PPP1R26: variants seen among roughly 807,000 people sequenced by gnomAD.
PPP1R26 encodes the protein 1A6/DRIM (down-regulated in metastasis) interacting protein.
PPP1R26 carries 22 observed loss-of-function variants against 67.6 expected under a neutral mutation model. That is an observed-to-expected ratio of 0.33 (90% CI 0.23 to 0.46). PPP1R26 has a LOEUF of 0.46. Among genes scored for constraint, PPP1R26 ranks in the 20% least tolerant of loss-of-function variants. The pLI, the probability that PPP1R26 is intolerant of heterozygous loss-of-function variation, is 1.00. For synonymous variants in PPP1R26, 729 were observed against 717.2 expected, an observed-to-expected ratio of 1.02 and a Z score of -0.26; for missense variants, 1,602 against 1,651.4, an observed-to-expected ratio of 0.97 and a Z score of 0.52.
Position 135,486,507 on chromosome 9 carries a change from G to A in PPP1R26, c.1997G>A (p.Gly666Asp), listed in dbSNP as rs1309656564. Residue 666 changes from glycine to aspartate, a missense_variant, in exon 4 of 4, where the codon GGT (glycine) becomes GAT (aspartate). Around this residue, in one of 5 missense-constraint regions of PPP1R26, gnomAD observed 680 missense variants for 726.1 expected, o/e 0.94. Coordinates refer to ENST00000356818, the MANE Select transcript of PPP1R26 (RefSeq NM_014811.5). The surrounding 1 kb of genome is among the most constrained non-coding windows in gnomAD (Gnocchi z 6.2). ...GACACTCGCATGTCACAGGGCCAGG[G>A]TAAGACAGACGAGGCAAGGCGCCTA... ...PGDTRMSQGQ[G>D]KTDEARRLDE... 6.2e-7 allele frequency: 1 copy of A among 1,612,938 alleles called. No homozygotes were observed. Among genetic ancestry groups the A allele is most frequent in the Non-Finnish European group, 8.5e-7 (1 of 1,179,992 alleles).
In PPP1R26 at chr9:135,485,518, G is replaced by T; in HGVS notation, c.1008G>T (p.Gly336=). The T allele has an allele frequency of 6.2e-7, 1 of 1,613,188 alleles. No homozygotes were observed. Among genetic ancestry groups the T allele is most frequent in the Non-Finnish European group, 8.5e-7 (1 of 1,180,012 alleles). ...RPSEAAQNKG[G]IKRSASAARR... is the part of the protein sequence containing the mutation. ...CAGAAGCAGCACAGAATAAAGGTGG[G>T]ATCAAAAGGAGCGCCAGCGCTGCAA... Residue 336 remains glycine (G), a synonymous_variant, in exon 4 of 4, where the codon GGG becomes GGT. Coordinates refer to ENST00000356818, the MANE Select transcript of PPP1R26 (RefSeq NM_014811.5). This position sits in a 1 kb window ranked among gnomAD's most constrained non-coding sequence, Gnocchi z 7.2.
rs1359624549 is a variant in PPP1R26, at chr9:135,484,664, A to G, written c.154A>G (p.Ser52Gly). The G allele has an allele frequency of 3.1e-6, 5 of 1,610,986 alleles. No homozygotes were observed. In the South Asian group the frequency reaches 4.4e-5, roughly 14 times the overall value. Residue 52 changes from serine to glycine, a missense_variant, in exon 4 of 4, where the codon AGC becomes GGC. By Grantham distance (56) the Ser-to-Gly change is moderately conservative. Transcript: ENST00000356818. ...GAGCGCCCGGGTGCAGATGCTTATC[A>G]GCACTCTGCAGCGCGACGGGGCTGC... is the stretch of plus-strand genomic sequence containing the variant. ...SVSARVQMLI[S>G]TLQRDGAARG...
chr9:135,484,867 G>T lies in PPP1R26; in HGVS notation c.357G>T (p.Leu119Phe). The T allele has an allele frequency of 6.2e-7, 1 of 1,607,464 alleles. No individual in the cohort carries two copies. The highest frequency in any genetic ancestry group is 8.5e-7 in the Non-Finnish European group (1 of 1,177,846). Residue 119 changes from leucine to phenylalanine, a missense_variant, in exon 4 of 4, where the codon TTG (leucine) becomes TTT (phenylalanine). Physicochemically the swap from Leu to Phe is conservative, Grantham distance 22. Around this residue, in one of 5 missense-constraint regions of PPP1R26, gnomAD observed 168 missense variants for 176.1 expected, o/e 0.95. Transcript: ENST00000356818. The part of the protein sequence containing the change: ...GEEETTDFGP[L>F]VLDSDSDDSV... ...AGGAAACTACAGACTTTGGCCCGTTGGTGCTAGATTCAGACAGTGATGATT... is the reference window on the plus strand; with the variant it reads ...AGGAAACTACAGACTTTGGCCCGTTTGTGCTAGATTCAGACAGTGATGATT...
In PPP1R26 at chr9:135,487,263, G is replaced by C. The variant is rs1368787589; in HGVS notation, c.2753G>C (p.Gly918Ala). 6.4e-7 allele frequency: 1 copy of C among 1,566,930 alleles called. No homozygotes were observed. The highest frequency in any genetic ancestry group is 1.2e-5 in the South Asian group (1 of 83,040). ...AGCGCAGGAGCACAGGGCACAGCTG[G>C]TCTGTTCAGCCAGGGCGGGAAGGGG... Reference protein sequence around the residue: ...TESAGAQGTAGLFSQGGKGLP... With the variant: ...TESAGAQGTAALFSQGGKGLP... Residue 918 changes from glycine to alanine, a missense_variant, in exon 4 of 4, where the codon GGT (glycine) becomes GCT (alanine). Transcript: ENST00000356818.
chr9:135,484,328 G>A, intron 3 of PPP1R26, 121 bp from the exon 4 acceptor site: 1 of 615,896 alleles, frequency 1.6e-6, no homozygotes, highest in Non-Finnish European at 2.8e-6. Flanking sequence ...TGGACGTTGG[G>A]CTCCACCCAA....
rs779037774 is a variant in PPP1R26 at position 135,487,738 on chromosome 9, G to T, written c.3228G>T (p.Ala1076=). 6.4e-5 allele frequency: 93 copies of T among 1,459,612 alleles called. No individual in the cohort carries two copies. The highest frequency in any genetic ancestry group is 8.2e-5 in the Non-Finnish European group (91 of 1,106,274). 90.4% of individuals were successfully genotyped at this position (1,459,612 alleles called of 1,614,324 possible). The part of the protein sequence containing the change: ...PARGLPSLPL[A]GFSPLLSTQL... ...GGGGCCTGCCCAGCCTGCCCCTTGC[G>T]GGCTTCTCGCCGCTGCTGTCCACCC... Residue 1076 remains alanine, a synonymous_variant, in exon 4 of 4, where the codon GCG becomes GCT. Transcript: ENST00000356818.
rs755030405 is a variant in PPP1R26, at chr9:135,487,995, G to T, written c.3485G>T (p.Gly1162Val). 1.2e-6 allele frequency: 2 copies of T among 1,611,010 alleles called. No individual in the cohort carries two copies. The highest frequency in any genetic ancestry group is 2.2e-5 in the South Asian group (2 of 90,746). The change falls in exon 4 of 4, where the codon GGC (glycine) becomes GTC (valine). Residue 1162 changes from glycine to valine, a missense_variant. Physicochemically the swap from Gly to Val is moderately radical, Grantham distance 109 (BLOSUM62 -3). This residue lies in a region of PPP1R26 where 740 missense variants were observed against 696.3 expected (regional missense o/e 1.06). Coordinates refer to ENST00000356818, the MANE Select transcript of PPP1R26 (RefSeq NM_014811.5). ...GLSLHDRRSS[G>V]SEESILDLRY... Reference sequence around the variant, plus strand: ...AGTTTGCATGACAGGAGGAGCTCGGGCTCGGAGGAAAGCATTTTAGACCTG... The same window carrying T: ...AGTTTGCATGACAGGAGGAGCTCGGTCTCGGAGGAAAGCATTTTAGACCTG...
rs761806251 is a variant in PPP1R26 at position 135,487,921 on chromosome 9, AAAG to A, written c.3415_3417del (p.Lys1139del). 61 of 1,578,166 alleles carry A rather than the reference AAAG, an allele frequency of 3.9e-5. No individual in the cohort carries two copies. In the African/African-American group the frequency reaches 7.5e-4, roughly 19 times the overall value. On this transcript the variant is annotated inframe_deletion, in exon 4 of 4. Coordinates refer to ENST00000356818, the MANE Select transcript of PPP1R26 (RefSeq NM_014811.5). Reference sequence around the variant, plus strand: ...TCTTTGGAAGCCCACACTTGCTGGCAAAGAAGGACGGCGGCCCCTGGCCAACCA... The same window carrying A: ...TCTTTGGAAGCCCACACTTGCTGGCAAAGGACGGCGGCCCCTGGCCAACCA...
In PPP1R26 at chr9:135,484,998, C is replaced by T. The variant is rs1830657537; in HGVS notation, c.488C>T (p.Ser163Phe). 1 of 1,585,318 alleles carries T rather than the reference C, an allele frequency of 6.3e-7. No homozygotes were observed. Reference sequence around the variant, plus strand: ...GCCCAGCCAGGTGCAGCCCAGCCTTCCAGGGCCGCAGGCGGAGGCAGTAGA... The same window carrying T: ...GCCCAGCCAGGTGCAGCCCAGCCTTTCAGGGCCGCAGGCGGAGGCAGTAGA... ...GGAQPGAAQP[S>F]RAAGGGSRCK... Residue 163 changes from serine to phenylalanine, a missense_variant, in exon 4 of 4, where the codon TCC becomes TTC. Around this residue, in one of 5 missense-constraint regions of PPP1R26, gnomAD observed 680 missense variants for 726.1 expected, o/e 0.94. Coordinates refer to ENST00000356818, the MANE Select transcript of PPP1R26 (RefSeq NM_014811.5).
At position 135,484,836 on chromosome 9, in the gene PPP1R26, G is replaced by C; in HGVS notation, c.326G>C (p.Gly109Ala). The change falls in exon 4 of 4, where the codon GGG becomes GCG. Residue 109 changes from glycine to alanine, a missense_variant. Physicochemically the swap from Gly to Ala is moderately conservative, Grantham distance 60 (BLOSUM62 0). This residue lies in a region of PPP1R26 where 168 missense variants were observed against 176.1 expected (regional missense o/e 0.95). Transcript: ENST00000356818. ...CTCGTTGCTGACTTTGACCCCATGG[G>C]GGAGGAGGAAACTACAGACTTTGGC... The part of the protein sequence containing the change: ...CGLVADFDPM[G>A]EEETTDFGPL... The C allele has an allele frequency of 1.2e-6, 2 of 1,610,398 alleles. No homozygotes were observed. Among genetic ancestry groups the C allele is most frequent in the Non-Finnish European group, 1.7e-6 (2 of 1,179,526 alleles).
At position 135,479,879 on chromosome 9, in the gene PPP1R26, T is replaced by G; in HGVS notation, c.-472T>G. 1 of 139,596 alleles carries G rather than the reference T, an allele frequency of 7.2e-6. No individual in the cohort carries two copies. 8.6% of individuals were successfully genotyped at this position (139,596 alleles called of 1,614,324 possible). A position where few individuals can be genotyped will look rare whatever the true frequency, so the allele number is the denominator to read the frequency against. ...GGCGGGGGGCCCGGCCGGACGCCCC[T>G]GCGCCCCCTCCCCGCGCCCCGGCCG... is the stretch of plus-strand genomic sequence containing the variant. On this transcript the variant is annotated 5_prime_UTR_variant, in exon 1 of 4. Coordinates refer to ENST00000356818, the MANE Select transcript of PPP1R26 (RefSeq NM_014811.5). The surrounding 1 kb of genome is among the most constrained non-coding windows in gnomAD (Gnocchi z 5.9).
In PPP1R26 at chr9:135,486,188, C is replaced by T. The variant is rs1290723899; in HGVS notation, c.1678C>T (p.Gln560Ter). The stretch of plus-strand genomic sequence containing the variant: ...GCTGGCCAGAGGTGAGAGCTGCCCG[C>T]AGGCTGCCCAGGGTCCACTTTTGCC... ...SLLARGESCPQAAQGPLLPPG... is the reference protein window; with the variant it reads ...SLLARGESCP The change falls in exon 4 of 4, where the codon CAG (glutamine) becomes TAG (stop). Residue 560 changes from glutamine (Q) to a stop codon, truncating the protein, a stop_gained. Coordinates refer to ENST00000356818, the MANE Select transcript of PPP1R26 (RefSeq NM_014811.5). LOFTEE classifies it high-confidence loss of function. This position sits in a 1 kb window ranked among gnomAD's most constrained non-coding sequence, Gnocchi z 6.2. The T allele has an allele frequency of 6.2e-7, 1 of 1,612,888 alleles. No homozygotes were observed. Among genetic ancestry groups the T allele is most frequent in the Admixed American group, 1.7e-5 (1 of 60,010 alleles).
In PPP1R26 at chr9:135,485,949, A is replaced by C; in HGVS notation, c.1439A>C (p.Glu480Ala). ...RSSCRADTSA[E>A]LMCAEAILDI... ...TCGTGCCGGGCGGACACATCTGCTG[A>C]GCTGATGTGTGCAGAAGCAATCCTG... Residue 480 changes from glutamate (E) to alanine (A), a missense_variant, in exon 4 of 4, where the codon GAG (glutamate) becomes GCG (alanine). Physicochemically the swap from Glu to Ala is moderately radical, Grantham distance 107 (BLOSUM62 -1). Coordinates refer to ENST00000356818, the MANE Select transcript of PPP1R26 (RefSeq NM_014811.5). This position sits in a 1 kb window ranked among gnomAD's most constrained non-coding sequence, Gnocchi z 7.2. 1.2e-6 allele frequency: 2 copies of C among 1,613,328 alleles called. No individual in the cohort carries two copies. Among genetic ancestry groups the C allele is most frequent in the Non-Finnish European group, 1.7e-6 (2 of 1,180,008 alleles).
In PPP1R26 at chr9:135,484,538, G is replaced by C; in HGVS notation, c.28G>C (p.Val10Leu). MFLMNASPV[V>L]ALQSKWEAFG... ...GTTTCTCATGAACGCTTCTCCAGTG[G>C]TTGCTCTCCAGTCCAAATGGGAGGC... Residue 10 changes from valine (V) to leucine (L), a missense_variant, in exon 4 of 4, where the codon GTT becomes CTT. Transcript: ENST00000356818. The C allele has an allele frequency of 1.9e-6, 3 of 1,606,480 alleles. No homozygotes were observed. The highest frequency in any genetic ancestry group is 2.5e-6 in the Non-Finnish European group (3 of 1,178,584).
upstream of PPP1R26, among the ~76,000 whole-genome samples, chr9:135,479,499 C>G (rs1830434778): frequency 6.7e-6 from 1 of 149,262 alleles, no homozygotes; most frequent in Non-Finnish European, 1.5e-5. The surrounding 1 kb of genome is among the most constrained non-coding windows in gnomAD (Gnocchi z 5.9). Context: ...GGGCTCGGCC[C>G]GGCCCAAGCG....
intron 1 of PPP1R26, among the ~76,000 whole-genome samples, chr9:135,481,610 C>A (rs1428827313): frequency 6.6e-6 from 1 of 151,672 alleles, no homozygotes; most frequent in Non-Finnish European, 1.5e-5. Context: ...GGGGAGACGA[C>A]CCCCCTCGAT....
intron 1 of PPP1R26, chr9:135,480,501 A>T (rs557272497): frequency 2.6e-5 from 4 of 152,176 alleles, no homozygotes; most frequent in African/African-American, 9.6e-5. Flanking sequence ...CTTCCCTGGG[A>T]GGCGTTCACT....
intron 1 of PPP1R26, among the ~76,000 whole-genome samples, chr9:135,482,036 G>A (rs1830537707): frequency 6.6e-6 from 1 of 152,196 alleles, no homozygotes; most frequent in Admixed American, 6.5e-5. Context: ...GTGGAGAACA[G>A]ACTATTTCCC....
chr9:135,486,682 C>T lies in PPP1R26; in HGVS notation c.2172C>T (p.Phe724=), dbSNP rs779464917. 6.2e-7 allele frequency: 1 copy of T among 1,602,466 alleles called. No individual in the cohort carries two copies. The highest frequency in any genetic ancestry group is 8.5e-7 in the Non-Finnish European group (1 of 1,175,182). The change falls in exon 4 of 4, where the codon TTC becomes TTT. Residue 724 remains phenylalanine (F), a synonymous_variant. Transcript: ENST00000356818. The surrounding 1 kb of genome is among the most constrained non-coding windows in gnomAD (Gnocchi z 6.2). ...CTGCGTGCAGGAAGAAGGTCAGGTT[C>T]AGCACAGCCCAGACGCACTTCTTGG... ...PRAACRKKVR[F]STAQTHFLEQ...
Sources: allele counts gnomAD v4.1 joint callset (sites outside exome capture counted in the v4.1 genomes callset), GRCh38; gene constraint gnomAD v4.1.1; regional missense constraint gnomAD v4.1.1; non-coding constraint Gnocchi (gnomAD v3.1); transcripts MANE v1.5; gene names NCBI Gene and HGNC (gene_info 2026-07-23, HGNC 2026-07-21).